The following TDRD6 variants were observed in gnomAD, a reference collection of about 807,000 sequenced individuals.
TDRD6 encodes the protein tudor domain-containing protein 6.
In TDRD6, 186 loss-of-function variants were observed where a neutral mutation model predicts 157.5. The ratio of observed to expected loss-of-function variants is 1.18; its 90% CI spans 1.05 to 1.33. TDRD6 has a LOEUF of 1.33. Ranked by LOEUF, TDRD6 falls within the 40% of genes most tolerant of loss-of-function variation. The pLI is 0.00. For missense variants in TDRD6, 3,066 were observed against 2,508.0 expected (o/e 1.22, Z -4.75); for synonymous variants, 1,075 against 945.2 (o/e 1.14, Z -2.52).
rs1392094391 is a variant in TDRD6, at chr6:46,689,450, G to T, written c.1322G>T (p.Cys441Phe). ...LNRVFGVQSC[C>F]LADRVLQSQA... ...CGTGTGTTTGGAGTACAGTCGTGTT[G>T]CTTGGCTGACCGAGTCCTTCAGAGC... Residue 441 changes from cysteine to phenylalanine, a missense_variant, in exon 1 of 4, where the codon TGC becomes TTC. Transcript: ENST00000316081. 1 of 1,613,194 alleles carries T rather than the reference G, an allele frequency of 6.2e-7. No homozygotes were observed. Among genetic ancestry groups the T allele is most frequent in the African/African-American group, 1.3e-5 (1 of 74,912 alleles).
In TDRD6 at chr6:46,688,346, G is replaced by A. The variant is rs1435530884; in HGVS notation, c.218G>A (p.Cys73Tyr). The A allele has an allele frequency of 3.9e-6, 6 of 1,531,408 alleles. No homozygotes were observed. The highest frequency in any genetic ancestry group is 5.2e-6 in the Non-Finnish European group (6 of 1,143,644). 94.9% of individuals were successfully genotyped at this position (1,531,408 alleles called of 1,614,324 possible). Residue 73 changes from cysteine (C) to tyrosine (Y), a missense_variant, in exon 1 of 4, where the codon TGC (cysteine) becomes TAC (tyrosine). Cys to Tyr is a radical substitution (Grantham distance 194). Coordinates refer to ENST00000316081, the MANE Select transcript of TDRD6 (RefSeq NM_001010870.3). ...GCCTCGGCCTCGCCCGGCGAGCTGTGCCTGGTGCAGGTCGGGCTTTTGTGG... is the reference window on the plus strand; with the variant it reads ...GCCTCGGCCTCGCCCGGCGAGCTGTACCTGGTGCAGGTCGGGCTTTTGTGG... ...GSASASPGEL[C>Y]LVQVGLLWHR...
Position 46,690,004 on chromosome 6 carries a change from C to T in TDRD6, c.1876C>T (p.His626Tyr). ...AVSFFKKTVLHKELVIHILDK... is the reference protein window; with the variant it reads ...AVSFFKKTVLYKELVIHILDK... ...TTCCTTTTTTAAAAAGACTGTGCTC[C>T]ACAAAGAATTAGTCATCCATATTCT... The change falls in exon 1 of 4, where the codon CAC becomes TAC. Residue 626 changes from histidine (H) to tyrosine (Y), a missense_variant. Coordinates refer to ENST00000316081, the MANE Select transcript of TDRD6 (RefSeq NM_001010870.3). 6.2e-7 allele frequency: 1 copy of T among 1,613,646 alleles called. No homozygotes were observed. Among genetic ancestry groups the T allele is most frequent in the South Asian group, 1.1e-5 (1 of 91,020 alleles).
chr6:46,697,774 G>A, intron 2 of TDRD6, among the ~76,000 whole-genome samples: 1 of 59,652 alleles, frequency 1.7e-5, no homozygotes, highest in African/African-American at 4.6e-5. Context: ...TGTAGTCCCA[G>A]TTATTCAGGA....
upstream of TDRD6, among the ~76,000 whole-genome samples, chr6:46,683,201 A>G (rs1384391343): frequency 2.0e-5 from 3 of 152,060 alleles, no homozygotes; most frequent in African/African-American, 7.2e-5. Flanking sequence ...AAGCACCAAG[A>G]TAACTTAACT....
At position 46,698,019 on chromosome 6, in the gene TDRD6, A is replaced by G. The variant is rs766956342; in HGVS notation, c.6193A>G (p.Met2065Val). The stretch of plus-strand genomic sequence containing the variant: ...GTAGGTTTTGAACCTTTCAAATGGT[A>G]TGGAGGAGATAGTGAACCCTGAGAA... ...GTRVLNLSNGMEEIVNPENVW... is the reference protein window; with the variant it reads ...GTRVLNLSNGVEEIVNPENVW... The change falls in exon 3 of 4, where the codon ATG (methionine) becomes GTG (valine). Residue 2065 changes from methionine (M) to valine (V), a missense_variant. By Grantham distance (21) the Met-to-Val change is conservative. Transcript: ENST00000316081. The G allele has an allele frequency of 9.3e-6, 15 of 1,610,212 alleles. No individual in the cohort carries two copies. The East Asian group carries it at 1.8e-4, about 19-fold the overall frequency.
Position 46,692,513 on chromosome 6 carries a change from T to C in TDRD6, c.4385T>C (p.Leu1462Pro), listed in dbSNP as rs775463656. The C allele has an allele frequency of 1.9e-6, 3 of 1,613,834 alleles. No individual in the cohort carries two copies. The highest frequency in any genetic ancestry group is 1.7e-6 in the Non-Finnish European group (2 of 1,180,016). Residue 1462 changes from leucine to proline, a missense_variant, in exon 1 of 4, where the codon CTT becomes CCT. Coordinates refer to ENST00000316081, the MANE Select transcript of TDRD6 (RefSeq NM_001010870.3). ...VKFQDRWEVI[L>P]ADEHGIIADD... is the part of the protein sequence containing the mutation. The stretch of plus-strand genomic sequence containing the variant: ...TTTCAAGACAGATGGGAAGTTATTC[T>C]TGCTGATGAACATGGGATCATAGCA...
Position 46,693,410 on chromosome 6 carries a change from T to G in TDRD6, c.5282T>G (p.Ile1761Ser). 1 of 1,614,000 alleles carries G rather than the reference T, an allele frequency of 6.2e-7. No homozygotes were observed. The highest frequency in any genetic ancestry group is 1.1e-5 in the South Asian group (1 of 91,068). ...ATAACTGAAAAAGATGTAAACATTA[T>G]TGGAACCAAACCAAGTAACTTCCGT... is the stretch of plus-strand genomic sequence containing the variant. The part of the protein sequence containing the change: ...AEITEKDVNI[I>S]GTKPSNFRDP... Residue 1761 changes from isoleucine to serine, a missense_variant, in exon 1 of 4, where the codon ATT (isoleucine) becomes AGT (serine). Transcript: ENST00000316081.
rs963873835 is a variant in TDRD6, at chr6:46,688,146, A to C, written c.18A>C (p.Gly6=). The C allele has an allele frequency of 1.5e-5, 23 of 1,541,646 alleles. No individual in the cohort carries two copies. The Admixed American group carries it at 2.7e-4, about 18-fold the overall frequency. The change falls in exon 1 of 4, where the codon GGA becomes GGC. Residue 6 remains glycine, a synonymous_variant. Transcript: ENST00000316081. The part of the protein sequence containing the change: MCSTP[G]MPAPGASLAL... ...CCGTCAAGATGTGCTCGACGCCCGG[A>C]ATGCCGGCGCCGGGGGCCTCGCTGG...
Position 46,692,367 on chromosome 6 carries a change from G to A in TDRD6, c.4239G>A (p.Gly1413=), listed in dbSNP as rs1764356934. The part of the protein sequence containing the change: ...RLDLVNAILP[G]LCIHCSLQGF... ...ACCTTGTTAATGCAATATTGCCGGG[G>A]TTGTGCATTCATTGCTCCTTGCAGG... is the stretch of plus-strand genomic sequence containing the variant. The change falls in exon 1 of 4, where the codon GGG becomes GGA. Residue 1413 remains glycine, a synonymous_variant. Transcript: ENST00000316081. The A allele has an allele frequency of 6.2e-7, 1 of 1,614,158 alleles. No homozygotes were observed.
At position 46,691,239 on chromosome 6, in the gene TDRD6, A is replaced by C; in HGVS notation, c.3111A>C (p.Gly1037=). The change falls in exon 1 of 4, where the codon GGA becomes GGC. Residue 1037 remains glycine, a synonymous_variant. Transcript: ENST00000316081. ...LNLKTSPLNP[G]TLCLAKYTDG... ...TAAAAACATCTCCCTTGAACCCTGG[A>C]ACCTTGTGCCTTGCCAAGTATACTG... 1 of 1,614,062 alleles carries C rather than the reference A, an allele frequency of 6.2e-7. No homozygotes were observed. Among genetic ancestry groups the C allele is most frequent in the Non-Finnish European group, 8.5e-7 (1 of 1,179,940 alleles).
At position 46,688,786 on chromosome 6, in the gene TDRD6, G is replaced by A. The variant is rs139956934; in HGVS notation, c.658G>A (p.Val220Met). 4.3e-6 allele frequency: 7 copies of A among 1,609,652 alleles called. No homozygotes were observed. In the African/African-American group the frequency reaches 9.3e-5, roughly 21 times the overall value. ...ERYLTAATAS[V>M]GSGVPVLSRV... Reference sequence around the variant, plus strand: ...CTATCTCACAGCGGCCACTGCTAGCGTGGGCTCCGGGGTCCCGGTTCTCTC... The same window carrying A: ...CTATCTCACAGCGGCCACTGCTAGCATGGGCTCCGGGGTCCCGGTTCTCTC... The change falls in exon 1 of 4, where the codon GTG becomes ATG. Residue 220 changes from valine to methionine, a missense_variant. Physicochemically the swap from Val to Met is conservative, Grantham distance 21. Coordinates refer to ENST00000316081, the MANE Select transcript of TDRD6 (RefSeq NM_001010870.3).
rs374668902 is a variant in TDRD6, at chr6:46,701,851, G to A, written c.6262-7G>A. The stretch of plus-strand genomic sequence containing the variant: ...CTCAGTTTGAAGTTTTTCTCTTTTT[G>A]TTTCAGAAAAGGGGTTTGGAGGTGA... On this transcript the variant is annotated splice_region_variant and splice_polypyrimidine_tract_variant and intron_variant, in intron 3 of 3. Coordinates refer to ENST00000316081, the MANE Select transcript of TDRD6 (RefSeq NM_001010870.3). The A allele has an allele frequency of 6.5e-5, 105 of 1,611,662 alleles. 5 individuals carry two copies. Among genetic ancestry groups the A allele is most frequent in the Admixed American group, 3.7e-4 (22 of 59,838 alleles).
At chr6:46,697,392 T>TA (rs1383942732) in intron 2 of TDRD6, among the ~76,000 whole-genome samples, 32 of 152,264 alleles carry the variant, frequency 2.1e-4, no homozygotes, top group African/African-American at 7.2e-4. Context: ...ACTACAGAAG[T>TA]CTGAACTTCC....
rs745816975 is a variant in TDRD6, at chr6:46,698,067, T to C, written c.6241T>C (p.Leu2081=). 6.2e-7 allele frequency: 1 copy of C among 1,609,210 alleles called. No individual in the cohort carries two copies. The highest frequency in any genetic ancestry group is 1.1e-5 in the South Asian group (1 of 90,512). The part of the protein sequence containing the change: ...PENVWNGIPK[L]DKSPPEKRGL... Reference sequence around the variant, plus strand: ...GAATGTCTGGAATGGCATACCCAAATTGGATAAGAGTCCACCTGAGGTATG... The same window carrying C: ...GAATGTCTGGAATGGCATACCCAAACTGGATAAGAGTCCACCTGAGGTATG... The change falls in exon 3 of 4, where the codon TTG becomes CTG. Residue 2081 remains leucine (L), a synonymous_variant. Transcript: ENST00000316081.
intron 3 of TDRD6, among the ~76,000 whole-genome samples, chr6:46,699,487 A>G (rs577830768): frequency 1.3e-5 from 2 of 152,248 alleles, no homozygotes; most frequent in South Asian, 4.1e-4. Context: ...AAATAAACAT[A>G]ACACCACAAT....
At position 46,690,493 on chromosome 6, in the gene TDRD6, T is replaced by G. The variant is rs1364702134; in HGVS notation, c.2365T>G (p.Cys789Gly). Reference protein sequence around the residue: ...SYVENPGYFWCQLTRNIQGLK... With the variant: ...SYVENPGYFWGQLTRNIQGLK... ...TGTTGAAAACCCTGGCTATTTCTGG[T>G]GTCAGCTGACCAGGAACATACAAGG... Residue 789 changes from cysteine (C) to glycine (G), a missense_variant, in exon 1 of 4, where the codon TGT (cysteine) becomes GGT (glycine). Transcript: ENST00000316081. The G allele has an allele frequency of 1.2e-6, 2 of 1,614,020 alleles. No individual in the cohort carries two copies.
At position 46,694,040 on chromosome 6, in the gene TDRD6, A is replaced by G. The variant is rs148659071; in HGVS notation, c.5912A>G (p.Glu1971Gly). The G allele has an allele frequency of 3.7e-6, 6 of 1,613,954 alleles. No homozygotes were observed. In the African/African-American group the frequency reaches 8.0e-5, roughly 22 times the overall value. Residue 1971 changes from glutamate (E) to glycine (G), a missense_variant, in exon 1 of 4, where the codon GAA becomes GGA. Physicochemically the swap from Glu to Gly is moderately conservative, Grantham distance 98. Coordinates refer to ENST00000316081, the MANE Select transcript of TDRD6 (RefSeq NM_001010870.3). ...GATTGTGATCCTAAAACACAGAATG[A>G]AATGAATATATGTGAAGAAGAATTT... is the stretch of plus-strand genomic sequence containing the variant. ...GADCDPKTQN[E>G]MNICEEEFVE...
At position 46,687,916 on chromosome 6, in the gene TDRD6, G is replaced by A. The variant is rs746479265; in HGVS notation, c.-213G>A. ...GGAAGCGCGACCTCGGGCGGTTGGAGGGGCTACCGGGTCTTACCAGTCCGT... is the reference window on the plus strand; with the variant it reads ...GGAAGCGCGACCTCGGGCGGTTGGAAGGGCTACCGGGTCTTACCAGTCCGT... On this transcript the variant is annotated 5_prime_UTR_variant, in exon 1 of 4. Coordinates refer to ENST00000316081, the MANE Select transcript of TDRD6 (RefSeq NM_001010870.3). 480 of 676,804 alleles carry A rather than the reference G, an allele frequency of 7.1e-4. 1 individual carries two copies. The highest frequency in any genetic ancestry group is 7.7e-4 in the Non-Finnish European group (345 of 449,300). The allele number at this position is 676,804 out of a possible 1,614,324, so 41.9% of individuals were successfully genotyped here. A position where few individuals can be genotyped will look rare whatever the true frequency, so the allele number is the denominator to read the frequency against.
upstream of TDRD6, among the ~76,000 whole-genome samples, chr6:46,684,009 C>G (rs765670043): frequency 6.6e-6 from 1 of 152,052 alleles, no homozygotes; most frequent in Non-Finnish European, 1.5e-5. Context: ...GCCGTTATAT[C>G]CATTTTCAGA....
Sources: allele counts gnomAD v4.1 joint callset (sites outside exome capture counted in the v4.1 genomes callset), GRCh38; gene constraint gnomAD v4.1.1; transcripts MANE v1.5; gene names NCBI Gene and HGNC (gene_info 2026-07-23, HGNC 2026-07-21).